TRDN: variants seen among roughly 807,000 people sequenced by gnomAD.
TRDN encodes triadin in skeletal muscle.
In TRDN, 161 loss-of-function variants were observed where a neutral mutation model predicts 149.7. The ratio of observed to expected loss-of-function variants is 1.08; its 90% confidence interval spans 0.95 to 1.23. TRDN has a LOEUF of 1.23. Ranked by LOEUF, TRDN falls within the 50% of genes most tolerant of loss-of-function variation. The probability of loss-of-function intolerance (pLI) is 0.00; values close to 1 mark genes in which losing one functional copy is unlikely to be tolerated. For synonymous variants in TRDN, 294 were observed against 250.5 expected, an observed-to-expected ratio of 1.17 and a Z score of -1.64; for missense variants, 896 against 823.5, an observed-to-expected ratio of 1.09 and a Z score of -1.08.
intron 7 of TRDN, among the ~76,000 whole-genome samples, chr6:123,505,126 C>A (rs566278656): frequency 5.0e-4 from 76 of 151,360 alleles, no homozygotes; most frequent in African/African-American, 1.8e-3. Context: ...TGCCTGTAAT[C>A]CCAGCTACTC....
At chr6:123,387,403 A>C (rs1781945644) in intron 14 of TRDN, among the ~76,000 whole-genome samples, 1 of 152,178 alleles carries the variant, frequency 6.6e-6, no homozygotes. Context: ...TTCCCAATAC[A>C]AAAATATGGT....
chr6:123,316,602 C>G (rs1779033551), intron 23 of TRDN, 107 bp from the exon 24 acceptor site: 1 of 877,184 alleles, frequency 1.1e-6, no homozygotes, highest in Admixed American at 2.9e-5. Flanking sequence ...ACTGATTTTT[C>G]TTGTCTGTTT....
intron 23 of TRDN, among the ~76,000 whole-genome samples, chr6:123,326,264 A>G (rs182512030): frequency 4.6e-4 from 70 of 152,142 alleles, no homozygotes; most frequent in African/African-American, 1.3e-3. Flanking sequence ...TGATACTCAC[A>G]CCCAAATAGC....
chr6:123,315,971 G>T (rs768987207), intron 24 of TRDN, among the ~76,000 whole-genome samples: 1 of 151,914 alleles, frequency 6.6e-6, no homozygotes, highest in Non-Finnish European at 1.5e-5. Context: ...ACATTTAATT[G>T]TGTGAAAGAA....
At chr6:123,472,611 G>A (rs1045131167) in intron 9 of TRDN, among the ~76,000 whole-genome samples, 1 of 152,248 alleles carries the variant, frequency 6.6e-6, no homozygotes, top group African/African-American at 2.4e-5. Flanking sequence ...GCCTCTGTAG[G>A]CTCCACCTCT....
intron 1 of TRDN, among the ~76,000 whole-genome samples, chr6:123,605,273 T>C (rs1208531778): frequency 6.8e-6 from 1 of 148,030 alleles, no homozygotes; most frequent in Non-Finnish European, 1.5e-5. Context: ...TAAATATATA[T>C]TTATATATAA....
chr6:123,539,244 G>C (rs540122896), intron 4 of TRDN, among the ~76,000 whole-genome samples: 93 of 152,260 alleles, frequency 6.1e-4, no homozygotes, highest in Non-Finnish European at 1.2e-3. Context: ...ATGTGCATAA[G>C]AGTCATTAGG....
At chr6:123,513,604 G>T (rs1364216387) in intron 6 of TRDN, among the ~76,000 whole-genome samples, 1 of 151,952 alleles carries the variant, frequency 6.6e-6, no homozygotes, top group Non-Finnish European at 1.5e-5. Context: ...ACAGAGAAAG[G>T]AGATGGCTAT....
At chr6:123,410,103 G>T (rs1773369224) in intron 12 of TRDN, among the ~76,000 whole-genome samples, 1 of 152,182 alleles carries the variant, frequency 6.6e-6, no homozygotes. Context: ...TAAAGCTTTG[G>T]CAGGTTTAAG....
intron 9 of TRDN, among the ~76,000 whole-genome samples, chr6:123,474,340 CAAAG>C (rs1367688725): frequency 2.0e-5 from 3 of 152,010 alleles, no homozygotes; most frequent in Admixed American, 6.6e-5. Flanking sequence ...TCAAAAGAGA[CAAAG>C]AAGGCCATTA....
intron 2 of TRDN, among the ~76,000 whole-genome samples, chr6:123,553,892 C>G (rs1287634500): frequency 2.0e-5 from 3 of 152,064 alleles, no homozygotes; most frequent in African/African-American, 7.2e-5. Flanking sequence ...TGGGTGGGGA[C>G]ACTATCAAAC....
intron 5 of TRDN, among the ~76,000 whole-genome samples, chr6:123,519,785 G>GA (rs1265026440): frequency 2.0e-5 from 3 of 150,454 alleles, no homozygotes; most frequent in East Asian, 2.0e-4. Context: ...ATTATTAACA[G>GA]AAAAAATCTT....
At chr6:123,427,876 T>C (rs1245389425) in intron 12 of TRDN, among the ~76,000 whole-genome samples, 1 of 152,206 alleles carries the variant, frequency 6.6e-6, no homozygotes, top group Non-Finnish European at 1.5e-5. Flanking sequence ...AATATTTTAG[T>C]GAATGAAACC....
At chr6:123,229,091 C>G (rs1303367102) in intron 38 of TRDN, among the ~76,000 whole-genome samples, 1 of 151,878 alleles carries the variant, frequency 6.6e-6, no homozygotes, top group Non-Finnish European at 1.5e-5. Context: ...TTCTAGAGTT[C>G]ATTCTTCGCT....
At chr6:123,459,363 G>C (rs1286688450) in intron 10 of TRDN, among the ~76,000 whole-genome samples, 1 of 152,210 alleles carries the variant, frequency 6.6e-6, no homozygotes, top group Non-Finnish European at 1.5e-5. Flanking sequence ...CTATTCTCTA[G>C]TTTCCTCCCA....
chr6:123,571,615 T>A (rs537827176), intron 1 of TRDN, among the ~76,000 whole-genome samples: 149 of 152,146 alleles, frequency 9.8e-4, no homozygotes, highest in African/African-American at 3.4e-3. Context: ...CACATGTTCA[T>A]GAGAGAAAAT....
intron 23 of TRDN, among the ~76,000 whole-genome samples, chr6:123,327,613 C>T (rs529050092): frequency 9.9e-5 from 15 of 152,036 alleles, no homozygotes; most frequent in South Asian, 2.1e-4. Context: ...GTACCCTGAA[C>T]GAATAAATTT....
rs1323353333 is a variant in TRDN, at chr6:123,278,300, T to C, written c.1567+18A>G. 35 of 1,277,710 alleles carry C rather than the reference T, an allele frequency of 2.7e-5. No individual in the cohort carries two copies. The highest frequency in any genetic ancestry group is 3.7e-5 in the Non-Finnish European group (35 of 944,304). The allele number at this position is 1,277,710 out of a possible 1,614,324, so 79.1% of individuals were successfully genotyped here. ...TAAACATGGAAATCATATATGTGTATAAATAAAATATACATACCTGGCTTC... is the reference window on the plus strand; with the variant it reads ...TAAACATGGAAATCATATATGTGTACAAATAAAATATACATACCTGGCTTC... On this transcript the variant is annotated intron_variant, in intron 26 of 40. Coordinates refer to ENST00000334268, the MANE Select transcript of TRDN (RefSeq NM_006073.4).
chr6:123,325,727 T>C (rs1377785794), intron 23 of TRDN, among the ~76,000 whole-genome samples: 1 of 152,106 alleles, frequency 6.6e-6, no homozygotes, highest in African/African-American at 2.4e-5. Flanking sequence ...TTATGGTCTC[T>C]AGATGTAGCA....
Sources: allele counts gnomAD v4.1 joint callset (sites outside exome capture counted in the v4.1 genomes callset), GRCh38; gene constraint gnomAD v4.1.1; transcripts MANE v1.5; gene names NCBI Gene and HGNC (gene_info 2026-07-23, HGNC 2026-07-21).